DCDC1: variants seen among roughly 807,000 people sequenced by gnomAD.
The protein encoded by DCDC1 is doublecortin domain-containing protein 1.
DCDC1 carries 200 observed loss-of-function variants against 178.3 expected under a neutral mutation model. That is an observed-to-expected ratio of 1.12 (90% CI 1.00 to 1.26). The LOEUF (loss-of-function observed/expected upper bound fraction) is 1.26, where lower values mean the gene tolerates loss of function less well. Ranked by LOEUF, DCDC1 falls within the 50% of genes most tolerant of loss-of-function variation. DCDC1 has a pLI of 0.00. For missense variants in DCDC1, 1,983 were observed against 1,749.2 expected, an observed-to-expected ratio of 1.13 and a Z score of -2.38; for synonymous variants, 690 against 604.8, an observed-to-expected ratio of 1.14 and a Z score of -2.07.
intron 12 of DCDC1, among the ~76,000 whole-genome samples, 195 bp from the exon 13 acceptor site, chr11:31,107,155 G>A (rs1451024528): frequency 6.6e-6 from 1 of 152,172 alleles, no homozygotes; most frequent in Non-Finnish European, 1.5e-5. Context: ...ATGAGCATGG[G>A]CTTTTAACCA....
At chr11:30,962,198 T>C (rs1323892860) in intron 20 of DCDC1, among the ~76,000 whole-genome samples, 1 of 152,116 alleles carries the variant, frequency 6.6e-6, no homozygotes, top group Non-Finnish European at 1.5e-5. Flanking sequence ...AGCCAAAATT[T>C]ACAAAGATCA....
chr11:30,877,120 G>A (rs749885572), intron 38 of DCDC1, among the ~76,000 whole-genome samples: 12 of 152,174 alleles, frequency 7.9e-5, no homozygotes, highest in Non-Finnish European at 1.2e-4. Context: ...TTTTAGTGGT[G>A]TCAGAGGCAG....
Position 31,133,744 on chromosome 11 carries a change from C to T in DCDC1, c.1314+3948G>A, listed in dbSNP as rs898664259. On this transcript the variant is annotated intron_variant, in intron 10 of 38. Transcript: ENST00000684477. ...TTTGACCCAGAGTCTCACTCTGTCGCCCAGGCTGGAGTGCAGTGGCACGAA... is the reference window on the plus strand; with the variant it reads ...TTTGACCCAGAGTCTCACTCTGTCGTCCAGGCTGGAGTGCAGTGGCACGAA... Among the ~76,000 whole-genome samples, 7 of 152,068 alleles carry T rather than the reference C, an allele frequency of 4.6e-5. No individual in the cohort carries two copies. The East Asian group carries it at 1.4e-3, about 29-fold the overall frequency.
At chr11:31,094,914 G>A (rs748709150) in intron 15 of DCDC1, among the ~76,000 whole-genome samples, 1 of 152,014 alleles carries the variant, frequency 6.6e-6, no homozygotes, top group Admixed American at 6.6e-5. Flanking sequence ...ATCTACATTA[G>A]GTATTTCTCC....
intron 20 of DCDC1, among the ~76,000 whole-genome samples, chr11:31,011,369 T>C (rs1952157134): frequency 6.6e-6 from 1 of 152,128 alleles, no homozygotes; most frequent in Non-Finnish European, 1.5e-5. Flanking sequence ...GGAGAAAATA[T>C]TTGCAAAACA....
At chr11:31,247,687 T>C (rs1943669081) in intron 8 of DCDC1, among the ~76,000 whole-genome samples, 1 of 152,022 alleles carries the variant, frequency 6.6e-6, no homozygotes, top group Non-Finnish European at 1.5e-5. Context: ...ACCATGCACA[T>C]CTTTTTTTCA....
intron 36 of DCDC1, chr11:30,883,130 A>G (rs2133985103): frequency 1.3e-5 from 2 of 152,814 alleles, no homozygotes; most frequent in Admixed American, 1.3e-4. Flanking sequence ...AAAATGGAGA[A>G]CAAAGAGGTT....
At chr11:31,013,661 G>A (rs1952304651) in intron 20 of DCDC1, among the ~76,000 whole-genome samples, 1 of 152,120 alleles carries the variant, frequency 6.6e-6, no homozygotes, top group African/African-American at 2.4e-5. Context: ...TTTTAAAACT[G>A]TACAACAATC....
At chr11:31,035,794 G>C (rs1953987643) in intron 20 of DCDC1, among the ~76,000 whole-genome samples, 1 of 152,158 alleles carries the variant, frequency 6.6e-6, no homozygotes, top group East Asian at 1.9e-4. Context: ...TTGTTATACT[G>C]TTCCGATGTT....
intron 20 of DCDC1, among the ~76,000 whole-genome samples, chr11:31,019,876 C>T (rs906455035): frequency 6.6e-6 from 1 of 152,034 alleles, no homozygotes; most frequent in Non-Finnish European, 1.5e-5. Flanking sequence ...ATTCACCGGA[C>T]CCCCACCCCC....
intron 9 of DCDC1, among the ~76,000 whole-genome samples, chr11:31,180,458 A>C (rs571130097): frequency 1.3e-5 from 2 of 152,330 alleles, no homozygotes; most frequent in Non-Finnish European, 2.9e-5. Context: ...CAGTGAGATC[A>C]ATGCAGAAAG....
chr11:30,881,309 C>G lies in DCDC1; in HGVS notation c.5083-1G>C, dbSNP rs200284471. 1.4e-5 allele frequency: 23 copies of G among 1,612,586 alleles called. No homozygotes were observed. Among genetic ancestry groups the G allele is most frequent in the Non-Finnish European group, 1.9e-5 (22 of 1,179,270 alleles). On this transcript the variant is annotated splice_acceptor_variant, in intron 36 of 38. Transcript: ENST00000684477. LOFTEE classifies it high-confidence loss of function. ...GACGAGAGGAGCAGTCTTGCAGCAG[C>G]TGAGACACAGAGGGACAGCCACATT...
chr11:31,350,352 A>C (rs1951010820), intron 1 of DCDC1, among the ~76,000 whole-genome samples: 1 of 152,102 alleles, frequency 6.6e-6, no homozygotes. Flanking sequence ...TAAATTATAA[A>C]TTATTTTAGT....
chr11:31,231,251 A>G (rs1029483427), intron 9 of DCDC1, among the ~76,000 whole-genome samples: 9 of 152,070 alleles, frequency 5.9e-5, no homozygotes, highest in Non-Finnish European at 5.9e-5. Context: ...GAAAGCTTAC[A>G]TCCTTCCTTT....
At chr11:30,968,079 G>A (rs1393535762) in intron 20 of DCDC1, among the ~76,000 whole-genome samples, 1 of 152,132 alleles carries the variant, frequency 6.6e-6, no homozygotes, top group Non-Finnish European at 1.5e-5. Context: ...TGGGTGCCAG[G>A]GATCCCAGGA....
At chr11:31,253,769 C>T (rs1944229731) in intron 8 of DCDC1, among the ~76,000 whole-genome samples, 1 of 152,174 alleles carries the variant, frequency 6.6e-6, no homozygotes, top group Admixed American at 6.6e-5. Flanking sequence ...ATTTGTCAGG[C>T]AGCAACATAT....
At chr11:30,944,919 A>T (rs1947907612) in intron 21 of DCDC1, among the ~76,000 whole-genome samples, 1 of 145,294 alleles carries the variant, frequency 6.9e-6, no homozygotes, top group Non-Finnish European at 1.5e-5. Context: ...CATGCCTAAG[A>T]TTATGTAATT....
chr11:31,005,155 G>A (rs1951770091), intron 20 of DCDC1, among the ~76,000 whole-genome samples: 2 of 152,258 alleles, frequency 1.3e-5, no homozygotes, highest in Admixed American at 1.3e-4. Context: ...GAAACACAAT[G>A]TTGTCCTCTA....
chr11:31,146,073 CT>C (rs35032604), intron 9 of DCDC1, among the ~76,000 whole-genome samples: 3,061 of 136,750 alleles, frequency 0.022, 19 homozygotes, highest in Non-Finnish European at 0.028. Context: ...TTAATCCAGT[CT>C]TTTTTTTTTT....
Sources: gnomAD v4.1 joint callset for allele counts (sites outside exome capture counted in the v4.1 genomes callset) on GRCh38, gnomAD v4.1.1 for gene constraint, MANE v1.5 for transcripts, NCBI Gene and HGNC (gene_info 2026-07-23, HGNC 2026-07-21) for gene names.